Variants in EPM2A observed in about 807,000 individuals in gnomAD.
EPM2A encodes the protein EPM2A glucan phosphatase, laforin.
Under a neutral mutation model 26.5 loss-of-function variants are expected in EPM2A, and 21 were observed. The observed-to-expected ratio is 0.79, with a 90% CI of 0.56 to 1.14. The LOEUF (loss-of-function observed/expected upper bound fraction) is 1.14, where lower values mean the gene tolerates loss of function less well. Among genes scored for constraint, EPM2A ranks in the 50% most tolerant of loss-of-function variants. The probability of loss-of-function intolerance (pLI) is 0.00; values close to 1 mark genes in which losing one functional copy is unlikely to be tolerated. For missense variants in EPM2A, 458 were observed against 440.8 expected, an observed-to-expected ratio of 1.04 and a Z score of -0.35; for synonymous variants, 217 against 177.6, an observed-to-expected ratio of 1.22 and a Z score of -1.76.
intron 4 of EPM2A, among the ~76,000 whole-genome samples, chr6:145,437,226 C>T (rs529413690): frequency 6.6e-6 from 1 of 152,038 alleles, no homozygotes; most frequent in African/African-American, 2.4e-5. Context: ...CCCACCGCCC[C>T]CCTCCTGCCT....
intron 2 of EPM2A, among the ~76,000 whole-genome samples, chr6:145,545,752 A>T (rs1303028121): frequency 6.6e-6 from 1 of 152,042 alleles, no homozygotes; most frequent in East Asian, 1.9e-4. Context: ...ACCTCTTAGG[A>T]TCTTTCTCCT....
intron 4 of EPM2A, among the ~76,000 whole-genome samples, chr6:145,390,562 A>G (rs1391563078): frequency 1.1e-5 from 1 of 93,726 alleles, no homozygotes; most frequent in Non-Finnish European, 2.5e-5. Context: ...GTGCATGCAC[A>G]TTCTCTCTCT....
At position 145,565,033 on chromosome 6, in the gene EPM2A, G is replaced by A. The variant is rs546093044; in HGVS notation, c.341-62458C>T. Among the ~76,000 whole-genome samples, 25 of 152,278 alleles carry A rather than the reference G, an allele frequency of 1.6e-4. No individual in the cohort carries two copies. The South Asian group carries it at 5.0e-3, about 30-fold the overall frequency. On this transcript the variant is annotated intron_variant, in intron 2 of 3. Transcript: ENST00000450221. ...AAGACAGCATTAGAGCACCAAACCT[G>A]TACAGCTCATGGGTGACTCTGTCCC...
At chr6:145,729,821 G>A (rs118081535) in intron 1 of EPM2A, among the ~76,000 whole-genome samples, 2,607 of 152,264 alleles carry the variant, frequency 0.017, 43 homozygotes, top group Middle Eastern at 0.082. Flanking sequence ...ATTTGGGAGG[G>A]GCTGGAAGTG....
rs1466134774 is a variant in EPM2A, at chr6:145,680,781, C to T, written c.476+5341G>A. Among the ~76,000 whole-genome samples, 6 of 152,024 alleles carry T rather than the reference C, an allele frequency of 3.9e-5. 1 individual carries two copies. The East Asian group carries it at 1.2e-3, about 29-fold the overall frequency. ...GCATATGTGCCACATTTTCTTAATC[C>T]AGTCTATCATTGTTGGACATTTGGG... On this transcript the variant is annotated intron_variant, in intron 2 of 3. Coordinates refer to ENST00000367519, the MANE Select transcript of EPM2A (RefSeq NM_005670.4).
At chr6:145,462,885 A>G (rs1779343811) in intron 4 of EPM2A, among the ~76,000 whole-genome samples, 1 of 152,182 alleles carries the variant, frequency 6.6e-6, no homozygotes, top group Non-Finnish European at 1.5e-5. Context: ...TGTACGTAGT[A>G]TGGCAAATTG....
intron 4 of EPM2A, among the ~76,000 whole-genome samples, chr6:145,400,537 A>G (rs1046384155): frequency 6.6e-6 from 1 of 152,136 alleles, no homozygotes; most frequent in Non-Finnish European, 1.5e-5. Context: ...CCTTCTTGAT[A>G]AGAGACCACT....
intron 2 of EPM2A, among the ~76,000 whole-genome samples, chr6:145,551,331 C>T (rs1459285988): frequency 6.6e-6 from 1 of 151,900 alleles, no homozygotes; most frequent in Non-Finnish European, 1.5e-5. Flanking sequence ...GCTGACTTTG[C>T]CCTGAGGATT....
chr6:145,591,607 T>G (rs532934231), intron 2 of EPM2A, among the ~76,000 whole-genome samples: 146 of 152,194 alleles, frequency 9.6e-4, no homozygotes, highest in African/African-American at 3.3e-3. Flanking sequence ...AAAATTATCT[T>G]TAAAAAGTGA....
intron 2 of EPM2A, among the ~76,000 whole-genome samples, chr6:145,647,600 T>G (rs898869050): frequency 3.9e-5 from 6 of 152,136 alleles, no homozygotes; most frequent in African/African-American, 1.4e-4. Context: ...AAGGATGCTA[T>G]CTTATTCCTT....
intron 2 of EPM2A, among the ~76,000 whole-genome samples, chr6:145,618,849 GA>G (rs1244254699): frequency 1.3e-5 from 2 of 152,206 alleles, no homozygotes; most frequent in African/African-American, 4.8e-5. Flanking sequence ...TATTGAGCAA[GA>G]AAGAGACAGT....
At chr6:145,501,342 C>A (rs1404702109), downstream of EPM2A, among the ~76,000 whole-genome samples, 2 of 152,136 alleles carry the variant, frequency 1.3e-5, no homozygotes, top group African/African-American at 4.8e-5. Context: ...GTATAAAATA[C>A]AAACTGAGTG....
chr6:145,424,060 G>A (rs1253050087), intron 4 of EPM2A, among the ~76,000 whole-genome samples: 1 of 152,092 alleles, frequency 6.6e-6, no homozygotes, highest in African/African-American at 2.4e-5. Flanking sequence ...ACATAGCATG[G>A]GTTACACCAC....
chr6:145,414,966 T>G (rs544856767), intron 4 of EPM2A, among the ~76,000 whole-genome samples: 1 of 152,338 alleles, frequency 6.6e-6, no homozygotes, highest in South Asian at 2.1e-4. Flanking sequence ...TTGGCTCACT[T>G]TTCCCCCCGT....
At chr6:145,397,403 TG>T (rs1778420201) in intron 4 of EPM2A, among the ~76,000 whole-genome samples, 1 of 151,992 alleles carries the variant, frequency 6.6e-6, no homozygotes, top group African/African-American at 2.4e-5. Context: ...ATGACGCCAT[TG>T]CACTCCAGCT....
At chr6:145,577,163 T>G (rs753021585) in intron 2 of EPM2A, among the ~76,000 whole-genome samples, 1 of 151,876 alleles carries the variant, frequency 6.6e-6, no homozygotes, top group Non-Finnish European at 1.5e-5. Flanking sequence ...AAAATGGCAG[T>G]ACTAAGTTCT....
intron 4 of EPM2A, among the ~76,000 whole-genome samples, chr6:145,421,231 G>C (rs1389661505): frequency 6.6e-6 from 1 of 152,116 alleles, no homozygotes; most frequent in Non-Finnish European, 1.5e-5. Context: ...TAAATAGACA[G>C]TGAAGGACTA....
chr6:145,495,555 C>T (rs1454779725), intron 4 of EPM2A, among the ~76,000 whole-genome samples: 1 of 151,788 alleles, frequency 6.6e-6, no homozygotes, highest in Non-Finnish European at 1.5e-5. Context: ...GTTTTGCAGA[C>T]TTGTTTATGC....
At chr6:145,400,136 A>G (rs1420162125) in intron 4 of EPM2A, among the ~76,000 whole-genome samples, 2 of 152,222 alleles carry the variant, frequency 1.3e-5, no homozygotes, top group African/African-American at 4.8e-5. Context: ...GGGGTCCCAC[A>G]GATGGATTGG....
Sources: allele counts gnomAD v4.1 joint callset (sites outside exome capture counted in the v4.1 genomes callset), GRCh38; gene constraint gnomAD v4.1.1; transcripts MANE v1.5; gene names NCBI Gene and HGNC (gene_info 2026-07-23, HGNC 2026-07-21).